The following LRCH3 variants were observed in gnomAD, a reference collection of about 807,000 sequenced individuals.
The protein encoded by LRCH3 is DISP complex protein LRCH3.
A neutral mutation model predicts 104.5 loss-of-function variants in LRCH3; 68 were observed. That is an observed-to-expected ratio of 0.65 (90% CI 0.54 to 0.80). LRCH3 has a LOEUF of 0.80. Ranked by LOEUF, LRCH3 falls within the 30% of genes least tolerant of loss-of-function variation. The probability of loss-of-function intolerance (pLI) is 0.00; values close to 1 mark genes in which losing one functional copy is unlikely to be tolerated. For synonymous variants in LRCH3, 344 were observed against 361.3 expected, an observed-to-expected ratio of 0.95 and a Z score of 0.54; for missense variants, 951 against 953.9, an observed-to-expected ratio of 1.00 and a Z score of 0.04.
chr3:197,880,941 T>A, intron 20 of LRCH3: 1 of 1,397,652 alleles, frequency 7.2e-7, no homozygotes, highest in Non-Finnish European at 9.3e-7. Flanking sequence ...TTTTTTCTCC[T>A]GGTCATCCGT....
At chr3:197,809,474 T>G (rs1339711580) in intron 1 of LRCH3, among the ~76,000 whole-genome samples, 1 of 152,160 alleles carries the variant, frequency 6.6e-6, no homozygotes, top group African/African-American at 2.4e-5. Context: ...TTTCAGCCCT[T>G]AGAAATGCTG....
At position 197,800,681 on chromosome 3, in the gene LRCH3, A is replaced by C. The variant is rs190353235; in HGVS notation, c.262+9141A>C. On this transcript the variant is annotated intron_variant, in intron 1 of 20. Transcript: ENST00000425562. ...CTCTTGAGATAAATCTCTCAGAGAA[A>C]GTTGTGTGTATGTATACCAGGATAT... Among the ~76,000 whole-genome samples the C allele has an allele frequency of 7.9e-5, 12 of 152,322 alleles. No individual in the cohort carries two copies. The East Asian group carries it at 2.3e-3, about 29-fold the overall frequency.
In LRCH3 at chr3:197,814,992, G is replaced by A; in HGVS notation, c.347G>A (p.Cys116Tyr). ...GAAAATCTCAACTTGTACCAAAATT[G>A]TATTCGTTATATTCCAGAGGCAATT... ...SLENLNLYQN[C>Y]IRYIPEAILN... Residue 116 changes from cysteine (C) to tyrosine (Y), a missense_variant, in exon 2 of 21, where the codon TGT becomes TAT. By Grantham distance (194) the Cys-to-Tyr change is radical. Coordinates refer to ENST00000425562, the MANE Select transcript of LRCH3 (RefSeq NM_001365715.1). 2 of 1,582,574 alleles carry A rather than the reference G, an allele frequency of 1.3e-6. No homozygotes were observed. The highest frequency in any genetic ancestry group is 2.3e-5 in the South Asian group (2 of 86,748).
chr3:197,797,227 G>A (rs538986079), intron 1 of LRCH3, among the ~76,000 whole-genome samples: 2 of 151,336 alleles, frequency 1.3e-5, no homozygotes, highest in East Asian at 3.9e-4. Context: ...TACTTGGGAG[G>A]CTGAGGCAGG....
At chr3:197,860,971 C>CT (rs5855654) in intron 15 of LRCH3, among the ~76,000 whole-genome samples, 18,485 of 137,344 alleles carry the variant, frequency 0.13, 1,484 homozygotes, top group African/African-American at 0.21. Flanking sequence ...CTGACCCCAA[C>CT]TTTTTTTTTT....
intron 4 of LRCH3, 26 bp downstream of exon 4, chr3:197,820,456 A>G: frequency 7.3e-7 from 1 of 1,363,902 alleles, no homozygotes; most frequent in Non-Finnish European, 1.0e-6. Context: ...ATAAGAAACC[A>G]TGAAATAATT....
chr3:197,841,773 G>A (rs532837076), intron 10 of LRCH3, among the ~76,000 whole-genome samples: 1 of 152,254 alleles, frequency 6.6e-6, no homozygotes, highest in Admixed American at 6.5e-5. Flanking sequence ...AGGGCGTTTA[G>A]TCTGCCACAG....
intron 9 of LRCH3, among the ~76,000 whole-genome samples, chr3:197,836,451 G>C (rs745518386): frequency 4.8e-4 from 73 of 152,186 alleles, no homozygotes; most frequent in Non-Finnish European, 7.8e-4. Context: ...AGTCTATCTT[G>C]TCAGCATAAT....
In LRCH3 at chr3:197,865,507, A is replaced by T. The variant is rs746424410; in HGVS notation, c.1765+36A>T. On this transcript the variant is annotated intron_variant, in intron 16 of 20. Transcript: ENST00000425562. ...CAAAGGTGCAATTAACCACATCAAGATTATAATTCTTTATTTTTTTATTTA... is the reference window on the plus strand; with the variant it reads ...CAAAGGTGCAATTAACCACATCAAGTTTATAATTCTTTATTTTTTTATTTA... 3 of 1,291,284 alleles carry T rather than the reference A, an allele frequency of 2.3e-6. No homozygotes were observed. In the Admixed American group the frequency reaches 7.8e-5, roughly 34 times the overall value. The allele number at this position is 1,291,284 out of a possible 1,614,324, so 80.0% of individuals were successfully genotyped here.
chr3:197,876,056 A>G (rs190538354), intron 20 of LRCH3: 33 of 225,540 alleles, frequency 1.5e-4, no homozygotes, highest in African/African-American at 5.7e-4. Context: ...TTTGACAACT[A>G]AATATATCCT....
rs1714058558 is a variant in LRCH3, at chr3:197,884,624, C to T, written c.*958C>T. The T allele has an allele frequency of 1.3e-5, 2 of 152,402 alleles. No homozygotes were observed. The highest frequency in any genetic ancestry group is 4.8e-5 in the African/African-American group (2 of 41,550). 9.4% of individuals were successfully genotyped at this position (152,402 alleles called of 1,614,324 possible). A position where few individuals can be genotyped will look rare whatever the true frequency, so the allele number is the denominator to read the frequency against. ...TGCACGTGTTTTTCATGTAGTGGAACCACTGTTCAAAGCTAGATATTTGTA... is the reference window on the plus strand; with the variant it reads ...TGCACGTGTTTTTCATGTAGTGGAATCACTGTTCAAAGCTAGATATTTGTA... On this transcript the variant is annotated 3_prime_UTR_variant, in exon 21 of 21. Coordinates refer to ENST00000425562, the MANE Select transcript of LRCH3 (RefSeq NM_001365715.1).
At chr3:197,797,883 CA>C (rs1283044363) in intron 1 of LRCH3, among the ~76,000 whole-genome samples, 987 of 82,942 alleles carry the variant, frequency 0.012, 16 homozygotes, top group African/African-American at 0.04. Context: ...ACAAAAAAAA[CA>C]AAAAAAAAAA....
In LRCH3 at chr3:197,824,768, T is replaced by C. The variant is rs140327698; in HGVS notation, c.641-2110T>C. On this transcript the variant is annotated intron_variant, in intron 4 of 20. Coordinates refer to ENST00000425562, the MANE Select transcript of LRCH3 (RefSeq NM_001365715.1). ...TGTATTTTTAGTAGAGATGGGGTTT[T>C]ACCATCTTGGCCAGGCTGGTCTTGA... Among the ~76,000 whole-genome samples, 704 of 146,802 alleles carry C rather than the reference T, an allele frequency of 4.8e-3. 11 individuals are homozygous for C. The highest frequency in any genetic ancestry group is 0.017 in the East Asian group (81 of 4,700).
chr3:197,815,937 C>G (rs1361751875), intron 2 of LRCH3, among the ~76,000 whole-genome samples: 2 of 152,022 alleles, frequency 1.3e-5, no homozygotes, highest in Non-Finnish European at 2.9e-5. Flanking sequence ...ATGAGTTTTC[C>G]TCTTATCATG....
At chr3:197,844,419 C>T (rs1398506213) in intron 10 of LRCH3, among the ~76,000 whole-genome samples, 2 of 151,978 alleles carry the variant, frequency 1.3e-5, no homozygotes, top group Admixed American at 6.6e-5. Context: ...TTTTTTGAGA[C>T]ACGTCTCTGT....
chr3:197,829,450 C>G (rs954557017), intron 5 of LRCH3, 114 bp from the exon 6 acceptor site: 12 of 583,338 alleles, frequency 2.1e-5, no homozygotes, highest in Non-Finnish European at 3.6e-5. Context: ...ACTGTATGTA[C>G]TTGATAGAAA....
chr3:197,850,707 C>T, intron 12 of LRCH3: 8 of 1,423,364 alleles, frequency 5.6e-6, no homozygotes, highest in Non-Finnish European at 7.9e-6. Context: ...CTTTCTGGGC[C>T]ACCGACCTTG....
At chr3:197,795,692 T>G (rs1290600292) in intron 1 of LRCH3, among the ~76,000 whole-genome samples, 8 of 135,464 alleles carry the variant, frequency 5.9e-5, no homozygotes, top group African/African-American at 2.3e-4. Flanking sequence ...TGTTGTTTTT[T>G]TTTTTTTTTT....
intron 1 of LRCH3, among the ~76,000 whole-genome samples, chr3:197,800,710 G>C (rs549879775): frequency 1.3e-5 from 2 of 152,170 alleles, no homozygotes; most frequent in Non-Finnish European, 2.9e-5. Flanking sequence ...AGGATATATA[G>C]TATGATAAGA....
Sources: gnomAD v4.1 joint callset for allele counts (sites outside exome capture counted in the v4.1 genomes callset) on GRCh38, gnomAD v4.1.1 for gene constraint, MANE v1.5 for transcripts, NCBI Gene and HGNC (gene_info 2026-07-23, HGNC 2026-07-21) for gene names.